BTRC: variants seen among roughly 807,000 people sequenced by gnomAD.
BTRC encodes F-box/WD repeat-containing protein 1A.
In BTRC, 42 loss-of-function variants were observed where a neutral mutation model predicts 85.5. The ratio of observed to expected loss-of-function variants is 0.49; its 90% confidence interval spans 0.38 to 0.64. BTRC has a LOEUF of 0.64. BTRC is among the 30% of genes least tolerant of loss of function. The probability of loss-of-function intolerance (pLI) is 0.00; values close to 1 mark genes in which losing one functional copy is unlikely to be tolerated. For synonymous variants in BTRC, 255 were observed against 263.3 expected (o/e 0.97, Z 0.30); for missense variants, 594 against 743.5 (o/e 0.80, Z 2.34).
chr10:101,515,702 G>A (rs575108220), intron 4 of BTRC, among the ~76,000 whole-genome samples: 19 of 152,122 alleles, frequency 1.2e-4, no homozygotes, highest in Admixed American at 5.9e-4. Context: ...TAGTAGAGAC[G>A]AGGTTTCACC....
At chr10:101,414,812 C>T (rs1001276543) in intron 1 of BTRC, 2 of 160,540 alleles carry the variant, frequency 1.2e-5, no homozygotes, top group African/African-American at 4.8e-5. Context: ...AAATAGGAAA[C>T]AACTTATAAA....
intron 2 of BTRC, among the ~76,000 whole-genome samples, chr10:101,455,107 G>GCT (rs1267598697): frequency 6.6e-6 from 1 of 151,294 alleles, no homozygotes; most frequent in Non-Finnish European, 1.5e-5. Flanking sequence ...TGTCGCCCAG[G>GCT]CTAGAGCACA....
At chr10:101,420,863 GA>G (rs1295754460) in intron 1 of BTRC, among the ~76,000 whole-genome samples, 1 of 151,650 alleles carries the variant, frequency 6.6e-6, no homozygotes, top group Non-Finnish European at 1.5e-5. Flanking sequence ...TTTTATTTTT[GA>G]AAAACTCACT....
At chr10:101,510,371 G>A (rs765646565) in intron 4 of BTRC, among the ~76,000 whole-genome samples, 9 of 151,794 alleles carry the variant, frequency 5.9e-5, no homozygotes, top group East Asian at 1.9e-4. Context: ...TTAGCCGAGC[G>A]TGGTGGTGGG....
intron 2 of BTRC, among the ~76,000 whole-genome samples, chr10:101,450,664 T>C (rs1318448389): frequency 6.6e-6 from 1 of 152,130 alleles, no homozygotes; most frequent in African/African-American, 2.4e-5. Flanking sequence ...TTTCTATTAT[T>C]TTAGCTTTGA....
chr10:101,533,836 G>A lies in BTRC; in HGVS notation c.1097+766G>A, dbSNP rs940585340. ...CTGTTTTTTGTCTTTTGACTTAAAG[G>A]CATAGCAAGGCATAGCAAACTTGGC... is the stretch of plus-strand genomic sequence containing the variant. On this transcript the variant is annotated intron_variant, in intron 9 of 14. Coordinates refer to ENST00000370187, the MANE Select transcript of BTRC (RefSeq NM_033637.4). Among the ~76,000 whole-genome samples, 6 of 152,194 alleles carry A rather than the reference G, an allele frequency of 3.9e-5. No homozygotes were observed. In the South Asian group the frequency reaches 1.2e-3, roughly 32 times the overall value.
intron 2 of BTRC, among the ~76,000 whole-genome samples, chr10:101,444,090 A>G (rs1465407575): frequency 6.6e-6 from 1 of 152,014 alleles, no homozygotes; most frequent in African/African-American, 2.4e-5. Context: ...TCCTAAGGAA[A>G]TGGTATACTT....
At chr10:101,532,513 T>C in intron 8 of BTRC, 81 bp downstream of exon 8, 1 of 1,423,898 alleles carries the variant, frequency 7.0e-7, no homozygotes, top group Non-Finnish European at 9.3e-7. Flanking sequence ...GCATAAACTC[T>C]AAGCATTATT....
chr10:101,526,655 C>T (rs1294420697), intron 6 of BTRC, among the ~76,000 whole-genome samples: 3 of 151,934 alleles, frequency 2.0e-5, no homozygotes, highest in Admixed American at 1.3e-4. Flanking sequence ...TGGCGTGCAC[C>T]TGTAATCCCA....
intron 1 of BTRC, among the ~76,000 whole-genome samples, chr10:101,406,520 G>GTTTT (rs1589429829): frequency 1.1e-5 from 1 of 89,934 alleles, no homozygotes; most frequent in African/African-American, 3.9e-5. Context: ...GCCATCTCAG[G>GTTTT]TTTCTTTTTT....
chr10:101,424,398 T>C (rs1225111097), intron 1 of BTRC, among the ~76,000 whole-genome samples: 1 of 152,228 alleles, frequency 6.6e-6, no homozygotes, highest in African/African-American at 2.4e-5. Context: ...AGTCTGAATG[T>C]ATTACATGAT....
chr10:101,495,690 G>T (rs934528734), intron 4 of BTRC, among the ~76,000 whole-genome samples: 3 of 152,292 alleles, frequency 2.0e-5, no homozygotes, highest in African/African-American at 7.2e-5. Flanking sequence ...ATAAGGGCTA[G>T]GACAGTCTAT....
At chr10:101,536,148 G>A (rs918729607) in intron 11 of BTRC, among the ~76,000 whole-genome samples, 13 of 152,218 alleles carry the variant, frequency 8.5e-5, no homozygotes, top group Admixed American at 7.9e-4. Context: ...CCGTGGCAGA[G>A]GGGGAGGTGC....
Position 101,532,286 on chromosome 10 carries a change from T to C in BTRC, c.841-9T>C. Reference sequence around the variant, plus strand: ...CTAACACTGCCTCTTTCCCATTCCTTCTTCTCAGACAATAGAATCTAATTG... The same window carrying C: ...CTAACACTGCCTCTTTCCCATTCCTCCTTCTCAGACAATAGAATCTAATTG... On this transcript the variant is annotated splice_polypyrimidine_tract_variant and intron_variant, in intron 7 of 14. Transcript: ENST00000370187. 1 of 1,605,250 alleles carries C rather than the reference T, an allele frequency of 6.2e-7. No homozygotes were observed. The highest frequency in any genetic ancestry group is 8.5e-7 in the Non-Finnish European group (1 of 1,176,988).
chr10:101,422,564 A>G (rs1215061725), intron 1 of BTRC, among the ~76,000 whole-genome samples: 2 of 152,114 alleles, frequency 1.3e-5, no homozygotes, highest in Non-Finnish European at 2.9e-5. Flanking sequence ...CCTGAATGGT[A>G]TTGCCTAGGT....
intron 4 of BTRC, among the ~76,000 whole-genome samples, chr10:101,513,883 G>A (rs980362032): frequency 4.6e-5 from 7 of 152,168 alleles, no homozygotes; most frequent in Non-Finnish European, 7.4e-5. Context: ...ACCATTAAAC[G>A]TGACTGCCAA....
intron 5 of BTRC, among the ~76,000 whole-genome samples, chr10:101,522,455 T>TTGTCACC (rs1350590066): frequency 1.2e-4 from 12 of 103,936 alleles, no homozygotes; most frequent in Non-Finnish European, 2.0e-4. Flanking sequence ...AGTCTCACTC[T>TTGTCACC]TGTCACCCAG....
chr10:101,375,280 C>T (rs1942760997), intron 1 of BTRC, among the ~76,000 whole-genome samples: 1 of 151,880 alleles, frequency 6.6e-6, no homozygotes, highest in Admixed American at 6.6e-5. Flanking sequence ...CCCTCTCTTC[C>T]CCCCTTCTCT....
intron 1 of BTRC, among the ~76,000 whole-genome samples, chr10:101,369,552 T>G (rs1463165530): frequency 1.3e-5 from 2 of 152,210 alleles, no homozygotes; most frequent in Non-Finnish European, 2.9e-5. Flanking sequence ...GAATTAGTGA[T>G]TTCTCTGAGA....
Sources: allele counts gnomAD v4.1 joint callset (sites outside exome capture counted in the v4.1 genomes callset), GRCh38; gene constraint gnomAD v4.1.1; transcripts MANE v1.5; gene names NCBI Gene and HGNC (gene_info 2026-07-23, HGNC 2026-07-21).